The following ADAM23 variants were observed in gnomAD, a reference collection of about 807,000 sequenced individuals.
ADAM23 encodes the protein ADAM metallopeptidase domain 23.
ADAM23 carries 33 observed loss-of-function variants against 120.1 expected under a neutral mutation model. The observed-to-expected ratio is 0.27, with a 90% CI of 0.21 to 0.37. The LOEUF is 0.37. Among genes scored for constraint, ADAM23 ranks in the 10% least tolerant of loss-of-function variants. The pLI, the probability that ADAM23 is intolerant of heterozygous loss-of-function variation, is 1.00. For missense variants in ADAM23, 862 were observed against 1,058.2 expected (o/e 0.81, Z 2.57); for synonymous variants, 367 against 375.2 (o/e 0.98, Z 0.25).
At chr2:206,582,344 G>T (rs1448765022) in intron 18 of ADAM23, among the ~76,000 whole-genome samples, 1 of 152,182 alleles carries the variant, frequency 6.6e-6, no homozygotes, top group Non-Finnish European at 1.5e-5. Flanking sequence ...TGTTTTGTCT[G>T]ATATAAGAAT....
At chr2:206,588,518 G>A (rs1176101707) in intron 20 of ADAM23, among the ~76,000 whole-genome samples, 1 of 152,160 alleles carries the variant, frequency 6.6e-6, no homozygotes, top group Non-Finnish European at 1.5e-5. Context: ...ACACACACAA[G>A]TTAGCTTTCT....
At chr2:206,451,774 TTGTGAAGAC>T (rs1259884176) in intron 2 of ADAM23, among the ~76,000 whole-genome samples, 2 of 151,988 alleles carry the variant, frequency 1.3e-5, no homozygotes, top group African/African-American at 2.4e-5. Flanking sequence ...AGGTGGAAGG[TTGTGAAGAC>T]TGTGAAGACA....
chr2:206,523,026 C>T (rs1370707469), intron 3 of ADAM23, among the ~76,000 whole-genome samples: 3 of 152,076 alleles, frequency 2.0e-5, no homozygotes, highest in African/African-American at 7.2e-5. Context: ...CTGATACCAC[C>T]CTCCTCAGAA....
At chr2:206,616,718 C>T (rs569398649) in intron 25 of ADAM23, among the ~76,000 whole-genome samples, 45 of 152,076 alleles carry the variant, frequency 3.0e-4, no homozygotes, top group Non-Finnish European at 4.9e-4. Flanking sequence ...CATGATGCCT[C>T]GGTGGCAGTA....
intron 19 of ADAM23, among the ~76,000 whole-genome samples, chr2:206,587,587 A>AT (rs1698348202): frequency 6.6e-6 from 1 of 151,982 alleles, no homozygotes; most frequent in African/African-American, 2.4e-5. Context: ...AGAGAAAAAA[A>AT]AAAAGAATGT....
chr2:206,561,904 G>A (rs1292264661), intron 12 of ADAM23, among the ~76,000 whole-genome samples: 1 of 152,126 alleles, frequency 6.6e-6, no homozygotes, highest in African/African-American at 2.4e-5. Flanking sequence ...ACATATTTTA[G>A]TAAGTTAAAT....
intron 3 of ADAM23, among the ~76,000 whole-genome samples, chr2:206,492,955 C>T (rs1473883930): frequency 6.6e-6 from 1 of 152,154 alleles, no homozygotes; most frequent in Non-Finnish European, 1.5e-5. Context: ...CTTAACCTTG[C>T]TTTATTTTGA....
intron 23 of ADAM23, among the ~76,000 whole-genome samples, chr2:206,595,444 GA>G (rs1698505330): frequency 6.6e-6 from 1 of 151,222 alleles, no homozygotes. Flanking sequence ...CAGCTTGGCT[GA>G]CTGAGAAAAG....
intron 3 of ADAM23, among the ~76,000 whole-genome samples, chr2:206,487,440 G>A (rs1336454731): frequency 6.6e-6 from 1 of 152,180 alleles, no homozygotes; most frequent in Admixed American, 6.5e-5. Context: ...GGTGCTCAAG[G>A]TAGTGAGCAC....
intron 3 of ADAM23, among the ~76,000 whole-genome samples, chr2:206,529,650 G>A (rs2105796996): frequency 6.6e-6 from 1 of 152,184 alleles, no homozygotes; most frequent in African/African-American, 2.4e-5. Context: ...TCTTTGCCTT[G>A]GCCTTCCAAA....
intron 18 of ADAM23, among the ~76,000 whole-genome samples, chr2:206,582,249 G>A (rs1395970993): frequency 2.0e-5 from 3 of 152,182 alleles, no homozygotes; most frequent in African/African-American, 4.8e-5. Context: ...ATATGTTTAG[G>A]ATTGTGATAT....
chr2:206,507,382 T>C (rs781663742), intron 3 of ADAM23, among the ~76,000 whole-genome samples: 1 of 152,074 alleles, frequency 6.6e-6, no homozygotes, highest in Non-Finnish European at 1.5e-5. Flanking sequence ...TCTAATGAAA[T>C]CTGGTTGTTT....
intron 18 of ADAM23, among the ~76,000 whole-genome samples, chr2:206,574,744 G>A (rs1471058894): frequency 1.3e-5 from 2 of 152,098 alleles, no homozygotes; most frequent in Non-Finnish European, 2.9e-5. Context: ...TGGCTTCATG[G>A]CCTATGTGGT....
chr2:206,477,936 G>A (rs1375932638), intron 2 of ADAM23, among the ~76,000 whole-genome samples: 1 of 101,618 alleles, frequency 9.8e-6, no homozygotes, highest in Non-Finnish European at 2.0e-5. Flanking sequence ...CAACAATGTG[G>A]TTTATAAAAT....
At chr2:206,537,640 C>CT (rs756750337) in intron 4 of ADAM23, among the ~76,000 whole-genome samples, 5 of 151,858 alleles carry the variant, frequency 3.3e-5, no homozygotes, top group Non-Finnish European at 7.4e-5. Flanking sequence ...ATTTTCCCTT[C>CT]TTTTTTACTG....
In ADAM23 at chr2:206,526,141, T is replaced by TACAC. The variant is rs59684611; in HGVS notation, c.510-4708_510-4705dup. ...TCTCATATTCAAGGATTCCAACAAATACACACACACACACACACACACACA... is the reference window on the plus strand; with the variant it reads ...TCTCATATTCAAGGATTCCAACAAATACACACACACACACACACACACACACACA... On this transcript the variant is annotated intron_variant, in intron 3 of 25. Coordinates refer to ENST00000264377, the MANE Select transcript of ADAM23 (RefSeq NM_003812.4). Among the ~76,000 whole-genome samples, 1,126 of 145,762 alleles carry TACAC rather than the reference T, an allele frequency of 7.7e-3. 5 individuals are homozygous for TACAC. The highest frequency in any genetic ancestry group is 0.011 in the South Asian group (51 of 4,454).
At chr2:206,450,990 C>T (rs1695181408) in intron 2 of ADAM23, among the ~76,000 whole-genome samples, 1 of 152,130 alleles carries the variant, frequency 6.6e-6, no homozygotes, top group Admixed American at 6.5e-5. Context: ...AGTGCAGTTA[C>T]TAGTGGAAGG....
rs1380999367 is a variant in ADAM23 at position 206,569,013 on chromosome 2, G to A, written c.1494+1691G>A. 3.9e-5 allele frequency among the ~76,000 whole-genome samples: 6 copies of A among 152,252 alleles called. 1 individual carries two copies. In the East Asian group the frequency reaches 5.8e-4, roughly 15 times the overall value. ...AAGTCAGTTGCCTGCCTTTCATAAC[G>A]TTGATTTCAATGCAACAGAAATCCA... On this transcript the variant is annotated intron_variant, in intron 15 of 25. Coordinates refer to ENST00000264377, the MANE Select transcript of ADAM23 (RefSeq NM_003812.4).
At chr2:206,547,157 T>C (rs575653070) in intron 6 of ADAM23, among the ~76,000 whole-genome samples, 2 of 152,328 alleles carry the variant, frequency 1.3e-5, no homozygotes, top group Non-Finnish European at 2.9e-5. Context: ...TTTTTGTGTT[T>C]CTTGTGAATT....
Sources: gnomAD v4.1 joint callset for allele counts (sites outside exome capture counted in the v4.1 genomes callset) on GRCh38, gnomAD v4.1.1 for gene constraint, MANE v1.5 for transcripts, NCBI Gene and HGNC (gene_info 2026-07-23, HGNC 2026-07-21) for gene names.